Variants in MAP3K4 observed in about 807,000 individuals in gnomAD.
The protein encoded by MAP3K4 is mitogen-activated protein kinase kinase kinase 4.
MAP3K4 carries 67 observed loss-of-function variants against 185.6 expected under a neutral mutation model. The observed-to-expected ratio is 0.36, with a 90% CI of 0.30 to 0.44. The LOEUF (loss-of-function observed/expected upper bound fraction) is 0.44. Among genes scored for constraint, MAP3K4 ranks in the 20% least tolerant of loss-of-function variants. MAP3K4 has a pLI of 1.00. For missense variants in MAP3K4, 1,551 were observed against 1,995.1 expected, an observed-to-expected ratio of 0.78 and a Z score of 4.24; for synonymous variants, 702 against 710.4, an observed-to-expected ratio of 0.99 and a Z score of 0.19.
At chr6:161,003,814 C>G (rs1583093912) in intron 1 of MAP3K4, among the ~76,000 whole-genome samples, 1 of 151,924 alleles carries the variant, frequency 6.6e-6, no homozygotes, top group Non-Finnish European at 1.5e-5. Context: ...TTGTACAAGA[C>G]AAGATTAAAG....
rs1562527214 is a variant in MAP3K4 at position 161,082,257 on chromosome 6, C to A, written c.2255+1219C>A. Among the ~76,000 whole-genome samples, 1 of 151,920 alleles carries A rather than the reference C, an allele frequency of 6.6e-6. No homozygotes were observed. The highest frequency in any genetic ancestry group is 2.4e-5 in the African/African-American group (1 of 41,350). On this transcript the variant is annotated intron_variant, in intron 6 of 26. Coordinates refer to ENST00000392142, the MANE Select transcript of MAP3K4 (RefSeq NM_005922.4). This position sits in a 1 kb window ranked among gnomAD's most constrained non-coding sequence, Gnocchi z 4.2. ...ATTCATTGTCATTTGCAACATGTCT[C>A]CCCCCTTACTTTTCCATGATTCTGC...
intron 4 of MAP3K4, among the ~76,000 whole-genome samples, chr6:161,072,476 T>C (rs998490381): frequency 6.6e-6 from 1 of 152,186 alleles, no homozygotes; most frequent in South Asian, 2.1e-4. Context: ...AAGCAAGAAT[T>C]TAAATGGCTG....
In MAP3K4 at chr6:161,071,112, C is replaced by T. The variant is rs1006141941; in HGVS notation, c.1950+262C>T. On this transcript the variant is annotated intron_variant, in intron 4 of 26. Transcript: ENST00000392142. The surrounding 1 kb of genome is among the most constrained non-coding windows in gnomAD (Gnocchi z 4.6). ...ATTTTAAAGTTTCAGTCTTTGAAGA[C>T]TAAAATTTAAAATTCATTCATAAGA... is the stretch of plus-strand genomic sequence containing the variant. Among the ~76,000 whole-genome samples the T allele has an allele frequency of 4.6e-5, 7 of 152,020 alleles. No individual in the cohort carries two copies. The highest frequency in any genetic ancestry group is 1.7e-4 in the African/African-American group (7 of 41,390).
intron 1 of MAP3K4, among the ~76,000 whole-genome samples, chr6:161,005,042 A>G (rs1467995921): frequency 6.6e-6 from 1 of 152,178 alleles, no homozygotes; most frequent in Non-Finnish European, 1.5e-5. Flanking sequence ...AGTCTTGACC[A>G]TGACAAATAA....
intron 1 of MAP3K4, among the ~76,000 whole-genome samples, chr6:161,012,924 A>T (rs185404771): frequency 2.0e-3 from 310 of 152,288 alleles, no homozygotes; most frequent in African/African-American, 7.0e-3. Context: ...ATTTCATTTT[A>T]TGAGCATACC....
chr6:161,038,191 G>GTTCCAGGTCAAGTAGGGAGT (rs1783270930), intron 2 of MAP3K4, among the ~76,000 whole-genome samples: 1 of 152,224 alleles, frequency 6.6e-6, no homozygotes, highest in South Asian at 2.1e-4. Context: ...AGATGAATAA[G>GTTCCAGGTCAAGTAGGGAGT]ACCTAGTTCC....
rs543640336 is a variant in MAP3K4 at position 161,071,549 on chromosome 6, G to A, written c.1950+699G>A. Among the ~76,000 whole-genome samples the A allele has an allele frequency of 8.5e-5, 13 of 152,262 alleles. No individual in the cohort carries two copies. In the East Asian group the frequency reaches 1.9e-3, roughly 23 times the overall value. Reference sequence around the variant, plus strand: ...GGGATTGGAGGGCTAAGAGCTACCCGGCTCTGTGAATGGTAAGACAAAGCA... The same window carrying A: ...GGGATTGGAGGGCTAAGAGCTACCCAGCTCTGTGAATGGTAAGACAAAGCA... On this transcript the variant is annotated intron_variant, in intron 4 of 26. Coordinates refer to ENST00000392142, the MANE Select transcript of MAP3K4 (RefSeq NM_005922.4). The surrounding 1 kb of genome is among the most constrained non-coding windows in gnomAD (Gnocchi z 4.6).
chr6:161,014,164 C>A (rs1341872758), intron 1 of MAP3K4, among the ~76,000 whole-genome samples: 3 of 152,198 alleles, frequency 2.0e-5, no homozygotes, highest in Non-Finnish European at 4.4e-5. Flanking sequence ...TTCCTTTATG[C>A]AAAATGCTCT....
chr6:161,026,171 C>T (rs1195836822), intron 1 of MAP3K4, among the ~76,000 whole-genome samples: 2 of 151,804 alleles, frequency 1.3e-5, no homozygotes, highest in Non-Finnish European at 1.5e-5. Flanking sequence ...TGCTCTGTGG[C>T]CCAGGCTGGA....
chr6:161,046,011 A>G (rs1783714179), intron 2 of MAP3K4, among the ~76,000 whole-genome samples: 1 of 151,998 alleles, frequency 6.6e-6, no homozygotes, highest in African/African-American at 2.4e-5. Context: ...TTCCAAATCC[A>G]TTTCTCTGGA....
intron 3 of MAP3K4, among the ~76,000 whole-genome samples, chr6:161,055,393 G>T (rs946122035): frequency 6.6e-6 from 1 of 152,096 alleles, no homozygotes; most frequent in African/African-American, 2.4e-5. Context: ...ATTTTTTAGA[G>T]CAAACTTTTC....
Position 161,094,773 on chromosome 6 carries a change from T to A in MAP3K4, c.3427+922T>A, listed in dbSNP as rs571031254. The stretch of plus-strand genomic sequence containing the variant: ...TCGTGAAAATGAAAGTTAACATTTG[T>A]AAGACTATTTGAGCATTTTATATAA... On this transcript the variant is annotated intron_variant, in intron 15 of 26. Coordinates refer to ENST00000392142, the MANE Select transcript of MAP3K4 (RefSeq NM_005922.4). 2.0e-5 allele frequency among the ~76,000 whole-genome samples: 3 copies of A among 152,358 alleles called. No homozygotes were observed. The South Asian group carries it at 6.2e-4, about 32-fold the overall frequency.
intron 2 of MAP3K4, among the ~76,000 whole-genome samples, chr6:161,041,874 A>G (rs562444065): frequency 6.9e-6 from 1 of 145,530 alleles, no homozygotes; most frequent in East Asian, 2.3e-4. Context: ...GGACAGGCAG[A>G]TGCTCTCAGG....
At chr6:161,005,913 G>A (rs1023992126) in intron 1 of MAP3K4, among the ~76,000 whole-genome samples, 1 of 151,936 alleles carries the variant, frequency 6.6e-6, no homozygotes, top group Non-Finnish European at 1.5e-5. Context: ...TCAGCCTCCC[G>A]AGTAGCTGGG....
intron 11 of MAP3K4, among the ~76,000 whole-genome samples, chr6:161,089,837 G>C (rs1181399640): frequency 6.6e-6 from 1 of 152,158 alleles, no homozygotes; most frequent in Non-Finnish European, 1.5e-5. Context: ...CATATCAGCA[G>C]TGTGTAATAG....
At chr6:161,020,265 CTTTG>C (rs58355990) in intron 1 of MAP3K4, among the ~76,000 whole-genome samples, 14,170 of 151,514 alleles carry the variant, frequency 0.094, 951 homozygotes, top group African/African-American at 0.19. Context: ...ATGGACTTTT[CTTTG>C]TTTGTTTGTT....
chr6:161,041,482 G>A (rs971838603), intron 2 of MAP3K4, among the ~76,000 whole-genome samples: 12 of 152,324 alleles, frequency 7.9e-5, no homozygotes, highest in East Asian at 3.9e-4. Flanking sequence ...CAGGGCTGTC[G>A]CATGGAGGAC....
Position 161,106,206 on chromosome 6 carries a change from T to C in MAP3K4, c.3857-308T>C, listed in dbSNP as rs965899243. Among the ~76,000 whole-genome samples, 2 of 151,498 alleles carry C rather than the reference T, an allele frequency of 1.3e-5. No individual in the cohort carries two copies. Among genetic ancestry groups the C allele is most frequent in the African/African-American group, 4.9e-5 (2 of 41,174 alleles). On this transcript the variant is annotated intron_variant, in intron 19 of 26. Coordinates refer to ENST00000392142, the MANE Select transcript of MAP3K4 (RefSeq NM_005922.4). The surrounding 1 kb of genome is among the most constrained non-coding windows in gnomAD (Gnocchi z 4.9). ...GTTTTAATAATATGGCAAACAAGAGTGTGGAATGGAGAGAGGAGAAACTAG... is the reference window on the plus strand; with the variant it reads ...GTTTTAATAATATGGCAAACAAGAGCGTGGAATGGAGAGAGGAGAAACTAG...
intron 2 of MAP3K4, among the ~76,000 whole-genome samples, chr6:161,040,055 T>C (rs796847826): frequency 5.3e-5 from 8 of 152,308 alleles, no homozygotes; most frequent in African/African-American, 1.4e-4. Context: ...TTGGTAGATA[T>C]TGTGCGTGTC....
Sources: allele counts gnomAD v4.1 joint callset (sites outside exome capture counted in the v4.1 genomes callset), GRCh38; gene constraint gnomAD v4.1.1; non-coding constraint Gnocchi (gnomAD v3.1); transcripts MANE v1.5; gene names NCBI Gene and HGNC (gene_info 2026-07-23, HGNC 2026-07-21).